FARP2: variants seen among roughly 807,000 people sequenced by gnomAD.
FARP2 encodes the protein FERM, ARH/RhoGEF and pleckstrin domain protein 2.
Under a neutral mutation model 130.5 loss-of-function variants are expected in FARP2, and 111 were observed. The observed-to-expected ratio is 0.85, with a 90% confidence interval of 0.73 to 1.00. The LOEUF is 1.00. Among genes scored for constraint, FARP2 ranks in the 50% least tolerant of loss-of-function variants. The pLI is 0.00. For synonymous variants in FARP2, 504 were observed against 516.9 expected, an observed-to-expected ratio of 0.98 and a Z score of 0.34; for missense variants, 1,385 against 1,346.3, an observed-to-expected ratio of 1.03 and a Z score of -0.45.
intron 8 of FARP2, among the ~76,000 whole-genome samples, chr2:241,428,961 C>T (rs1379926281): frequency 2.0e-5 from 3 of 152,134 alleles, no homozygotes; most frequent in Non-Finnish European, 2.9e-5. Flanking sequence ...CATGTGGTAG[C>T]ATGTATCAGT....
At chr2:241,403,184 ACT>A (rs920693036) in intron 2 of FARP2, among the ~76,000 whole-genome samples, 3 of 151,334 alleles carry the variant, frequency 2.0e-5, no homozygotes, top group African/African-American at 7.3e-5. Flanking sequence ...ATAAATAAAG[ACT>A]CTTAAGACTT....
chr2:241,463,529 A>T (rs1036432096), intron 16 of FARP2, 61 bp downstream of exon 16: 4 of 1,559,884 alleles, frequency 2.6e-6, no homozygotes, highest in Non-Finnish European at 3.5e-6. Flanking sequence ...CACCGCTCTT[A>T]GGAACTTCCC....
At chr2:241,396,191 G>A (rs890644592) in intron 2 of FARP2, among the ~76,000 whole-genome samples, 3 of 151,906 alleles carry the variant, frequency 2.0e-5, no homozygotes, top group Non-Finnish European at 2.9e-5. Flanking sequence ...ATTCAAGATG[G>A]ATTAAAGACT....
chr2:241,451,610 T>C (rs2063659759), intron 13 of FARP2, among the ~76,000 whole-genome samples: 1 of 152,222 alleles, frequency 6.6e-6, no homozygotes, highest in South Asian at 2.1e-4. Context: ...GACTGATTCT[T>C]ACTGGCTGTT....
intron 4 of FARP2, among the ~76,000 whole-genome samples, chr2:241,407,262 T>G (rs2062384715): frequency 6.6e-6 from 1 of 152,208 alleles, no homozygotes; most frequent in South Asian, 2.1e-4. Context: ...GGTCTCACCC[T>G]GCTGCCCAGG....
chr2:241,447,422 G>A (rs777243153), intron 13 of FARP2, among the ~76,000 whole-genome samples: 19 of 152,108 alleles, frequency 1.2e-4, no homozygotes, highest in Non-Finnish European at 1.6e-4. Flanking sequence ...TCCTGCTCTC[G>A]CCTGGTGTGG....
intron 13 of FARP2, among the ~76,000 whole-genome samples, chr2:241,447,421 C>T (rs977425847): frequency 1.3e-5 from 2 of 152,134 alleles, no homozygotes; most frequent in Admixed American, 6.5e-5. Flanking sequence ...TTCCTGCTCT[C>T]GCCTGGTGTG....
chr2:241,467,591 A>G (rs967395907), intron 17 of FARP2, among the ~76,000 whole-genome samples: 3 of 151,810 alleles, frequency 2.0e-5, no homozygotes, highest in African/African-American at 4.8e-5. Context: ...GCAGTGAGCT[A>G]AGATCCCACC....
chr2:241,414,098 AGAG>A (rs1264621665), intron 7 of FARP2, among the ~76,000 whole-genome samples: 1 of 152,100 alleles, frequency 6.6e-6, no homozygotes, highest in Non-Finnish European at 1.5e-5. Flanking sequence ...GTGCTGTGGT[AGAG>A]GAGGAGGGGA....
At chr2:241,404,410 T>C (rs1358203305) in intron 3 of FARP2, among the ~76,000 whole-genome samples, 2 of 152,220 alleles carry the variant, frequency 1.3e-5, no homozygotes. Flanking sequence ...TATCCAAGTC[T>C]CCTGTTCTGG....
At chr2:241,406,236 A>G (rs933369628) in intron 4 of FARP2, among the ~76,000 whole-genome samples, 14 of 151,846 alleles carry the variant, frequency 9.2e-5, no homozygotes, top group African/African-American at 3.4e-4. Context: ...TGAACCTGGA[A>G]GGCGGAGCTT....
intron 22 of FARP2, among the ~76,000 whole-genome samples, chr2:241,490,578 C>CTCAT (rs1413236025): frequency 6.6e-6 from 1 of 152,180 alleles, no homozygotes; most frequent in East Asian, 1.9e-4. Flanking sequence ...TGACACTGAG[C>CTCAT]TCATTTGGCG....
chr2:241,413,277 A>G (rs1182456217), intron 6 of FARP2, 30 bp from the exon 7 acceptor site: 2 of 1,374,372 alleles, frequency 1.5e-6, no homozygotes, highest in Non-Finnish European at 2.0e-6. Flanking sequence ...TTTATTTAAA[A>G]ATTAGTTACT....
rs545082157 is a variant in FARP2 at position 241,431,258 on chromosome 2, C to T, written c.772-421C>T. Among the ~76,000 whole-genome samples the T allele has an allele frequency of 2.0e-4, 30 of 152,084 alleles. 1 individual carries two copies. In the South Asian group the frequency reaches 5.0e-3, roughly 25 times the overall value. On this transcript the variant is annotated intron_variant, in intron 8 of 26. Coordinates refer to ENST00000264042, the MANE Select transcript of FARP2 (RefSeq NM_014808.4). ...GTGTCCTTGTGTTCCAGATGTGCCT[C>T]GAGTTTGAGACCAGCCTGGGCAACA...
At position 241,461,853 on chromosome 2, in the gene FARP2, A is replaced by G. The variant is rs555700720; in HGVS notation, c.1588-670A>G. Among the ~76,000 whole-genome samples, 6 of 152,318 alleles carry G rather than the reference A, an allele frequency of 3.9e-5. No individual in the cohort carries two copies. The East Asian group carries it at 1.2e-3, about 29-fold the overall frequency. On this transcript the variant is annotated intron_variant, in intron 14 of 26. Coordinates refer to ENST00000264042, the MANE Select transcript of FARP2 (RefSeq NM_014808.4). ...ACAGAGGGTGGCTCTTGGAGGGTTC[A>G]GGGTGGGGAGAGGCCCTGCAGGGAC...
chr2:241,362,058 C>T (rs1575445925), intron 1 of FARP2, among the ~76,000 whole-genome samples: 1 of 151,816 alleles, frequency 6.6e-6, no homozygotes, highest in East Asian at 1.9e-4. Flanking sequence ...CCACGCCCAG[C>T]CAATTTTTTT....
chr2:241,379,178 T>C (rs1302764926), intron 2 of FARP2, among the ~76,000 whole-genome samples: 2 of 152,224 alleles, frequency 1.3e-5, no homozygotes, highest in African/African-American at 2.4e-5. Flanking sequence ...CTTTAGAGGG[T>C]AAGATGTCTA....
intron 1 of FARP2, among the ~76,000 whole-genome samples, chr2:241,367,534 T>C (rs1275617543): frequency 6.6e-6 from 1 of 152,166 alleles, no homozygotes; most frequent in East Asian, 1.9e-4. Flanking sequence ...CATTTGAACA[T>C]CATCAGCAGT....
chr2:241,445,520 A>T (rs2063493625), intron 13 of FARP2: 1 of 152,364 alleles, frequency 6.6e-6, no homozygotes, highest in East Asian at 1.9e-4. Context: ...GCAAAACTCC[A>T]GGAGCAATTC....
Sources: allele counts gnomAD v4.1 joint callset (sites outside exome capture counted in the v4.1 genomes callset), GRCh38; gene constraint gnomAD v4.1.1; transcripts MANE v1.5; gene names NCBI Gene and HGNC (gene_info 2026-07-23, HGNC 2026-07-21).